COL12A1: variants seen among roughly 807,000 people sequenced by gnomAD.
The protein encoded by COL12A1 is collagen alpha-1(XII) chain.
A neutral mutation model predicts 349.7 loss-of-function variants in COL12A1; 114 were observed. That is an observed-to-expected ratio of 0.33 (90% CI 0.28 to 0.38). COL12A1 has a LOEUF of 0.38. Ranked by LOEUF, COL12A1 falls within the 10% of genes least tolerant of loss-of-function variation. The probability of loss-of-function intolerance (pLI) is 1.00; values close to 1 mark genes in which losing one functional copy is unlikely to be tolerated. For synonymous variants in COL12A1, 1,369 were observed against 1,329.0 expected, an observed-to-expected ratio of 1.03 and a Z score of -0.66; for missense variants, 3,284 against 3,756.9, an observed-to-expected ratio of 0.87 and a Z score of 3.29.
intron 14 of COL12A1, among the ~76,000 whole-genome samples, chr6:75,162,329 A>G (rs994403750): frequency 3.9e-5 from 6 of 152,358 alleles, no homozygotes; most frequent in Admixed American, 3.3e-4. Flanking sequence ...CCAATGGAAC[A>G]GAACAGAGGC....
At chr6:75,100,693 C>T (rs114238227) in intron 58 of COL12A1, among the ~76,000 whole-genome samples, 1,995 of 152,256 alleles carry the variant, frequency 0.013, 36 homozygotes, top group African/African-American at 0.045. Context: ...TCTTTGCTCC[C>T]TCTGAATGGC....
At position 75,113,269 on chromosome 6, in the gene COL12A1, C is replaced by T. The variant is rs147044263; in HGVS notation, c.7885G>A (p.Glu2629Lys). The T allele has an allele frequency of 9.6e-5, 150 of 1,561,830 alleles. No homozygotes were observed. The African/African-American group carries it at 1.6e-3, about 17-fold the overall frequency. ...LSFFNKDTRGEVQTVTFDTEE... is the reference protein window; with the variant it reads ...LSFFNKDTRGKVQTVTFDTEE... The stretch of plus-strand genomic sequence containing the variant: ...GTGTCAAATGTAACAGTTTGCACCT[C>T]GCCTCTTGTATCCTTGTTAAAGAAT... The change falls in exon 51 of 66, where the codon GAG becomes AAG. Residue 2629 changes from glutamate to lysine, a missense_variant. Around this residue, in one of 2 missense-constraint regions of COL12A1, gnomAD observed 683 missense variants for 932.1 expected, o/e 0.73. Coordinates refer to ENST00000322507, the MANE Select transcript of COL12A1 (RefSeq NM_004370.6).
At chr6:75,172,584 A>G (rs999952987) in intron 13 of COL12A1, among the ~76,000 whole-genome samples, 4 of 152,256 alleles carry the variant, frequency 2.6e-5, no homozygotes, top group African/African-American at 9.6e-5. Context: ...TGGAAAGCAT[A>G]TGGAGAAACA....
intron 13 of COL12A1, among the ~76,000 whole-genome samples, chr6:75,166,758 T>G (rs900863356): frequency 6.6e-6 from 1 of 152,132 alleles, no homozygotes; most frequent in African/African-American, 2.4e-5. Context: ...AAACTATTAT[T>G]TTACTTAACT....
chr6:75,125,252 G>T lies in COL12A1; in HGVS notation c.6482C>A (p.Ala2161Asp). The change falls in exon 40 of 66, where the codon GCC becomes GAC. Residue 2161 changes from alanine (A) to aspartate (D), a missense_variant. By Grantham distance (126) the Ala-to-Asp change is moderately radical (BLOSUM62 -2). Around this residue, in one of 2 missense-constraint regions of COL12A1, gnomAD observed 2,601 missense variants for 2,824.8 expected, o/e 0.92. Coordinates refer to ENST00000322507, the MANE Select transcript of COL12A1 (RefSeq NM_004370.6). ...KPVGSNEPME[A>D]FVGEMTSYTL... ...ATATGATGTCATTTCTCCAACAAAG[G>T]CTTCCATGGGCTCATTGGAACCTTT... The T allele has an allele frequency of 1.2e-6, 2 of 1,607,474 alleles. No homozygotes were observed. The highest frequency in any genetic ancestry group is 1.7e-6 in the Non-Finnish European group (2 of 1,176,830).
At position 75,145,392 on chromosome 6, in the gene COL12A1, C is replaced by T; in HGVS notation, c.4624G>A (p.Ala1542Thr). Residue 1542 changes from alanine to threonine, a missense_variant, in exon 25 of 66, where the codon GCA (alanine) becomes ACA (threonine). Physicochemically the swap from Ala to Thr is moderately conservative, Grantham distance 58. Transcript: ENST00000322507. ...LTDLVPNTEY[A>T]VTVQAVLHDL... ...TGCAGGACAGCCTGGACTGTGACTG[C>T]ATACTCCGTGTTGGGAACAAGGTCA... 1.2e-6 allele frequency: 2 copies of T among 1,613,992 alleles called. No homozygotes were observed. Among genetic ancestry groups the T allele is most frequent in the South Asian group, 1.1e-5 (1 of 91,058 alleles).
At position 75,154,455 on chromosome 6, in the gene COL12A1, T is replaced by C. The variant is rs1260067608; in HGVS notation, c.3526A>G (p.Thr1176Ala). The C allele has an allele frequency of 6.2e-7, 1 of 1,612,412 alleles. No homozygotes were observed. The highest frequency in any genetic ancestry group is 2.2e-5 in the East Asian group (1 of 44,802). Residue 1176 changes from threonine (T) to alanine (A), a missense_variant, in exon 17 of 66, where the codon ACC (threonine) becomes GCC (alanine). By Grantham distance (58) the Thr-to-Ala change is moderately conservative (BLOSUM62 0). Coordinates refer to ENST00000322507, the MANE Select transcript of COL12A1 (RefSeq NM_004370.6). Reference protein sequence around the residue: ...SSPLVGQEMTTLSDTTVMPIL... With the variant: ...SSPLVGQEMTALSDTTVMPIL... ...GGCATAACAGTTGTGTCGGAAAGGGTTGTCATTTCTTGTCCAACAAGTGGT... is the reference window on the plus strand; with the variant it reads ...GGCATAACAGTTGTGTCGGAAAGGGCTGTCATTTCTTGTCCAACAAGTGGT...
rs142803930 is a variant in COL12A1 at position 75,168,163 on chromosome 6, C to T, written c.2711-2384G>A. On this transcript the variant is annotated intron_variant, in intron 13 of 65. Coordinates refer to ENST00000322507, the MANE Select transcript of COL12A1 (RefSeq NM_004370.6). ...TAAACTGCTTCATATGGGTTTCTTA[C>T]ATGTCAATCAGTCAGTTTGATAAGA... Among the ~76,000 whole-genome samples, 124 of 152,272 alleles carry T rather than the reference C, an allele frequency of 8.1e-4. No homozygotes were observed. In the East Asian group the frequency reaches 0.018, roughly 22 times the overall value.
intron 59 of COL12A1, among the ~76,000 whole-genome samples, chr6:75,096,167 T>C (rs1768015712): frequency 6.6e-6 from 1 of 152,182 alleles, no homozygotes; most frequent in Non-Finnish European, 1.5e-5. Flanking sequence ...GGCCAATATG[T>C]CATGTTCTAA....
chr6:75,089,997 A>G, intron 63 of COL12A1, 113 bp downstream of exon 63: 2 of 1,147,658 alleles, frequency 1.7e-6, no homozygotes, highest in Middle Eastern at 3.0e-4. Flanking sequence ...TGTCCAAACA[A>G]GACCAGGGAA....
chr6:75,176,136 G>GT (rs1217270567), intron 12 of COL12A1, among the ~76,000 whole-genome samples: 1 of 152,218 alleles, frequency 6.6e-6, no homozygotes, highest in Non-Finnish European at 1.5e-5. Context: ...AAGGAAGCAG[G>GT]TAAAAAGAGA....
intron 32 of COL12A1, among the ~76,000 whole-genome samples, chr6:75,134,413 T>C (rs1424128214): frequency 6.6e-6 from 1 of 151,638 alleles, no homozygotes; most frequent in African/African-American, 2.4e-5. Flanking sequence ...GTACCAAAAA[T>C]ATAAAAAATT....
chr6:75,088,555 T>G (rs2149324341), intron 64 of COL12A1, among the ~76,000 whole-genome samples: 1 of 152,198 alleles, frequency 6.6e-6, no homozygotes, highest in South Asian at 2.1e-4. Flanking sequence ...TTTGTGTCAC[T>G]AAAATTCATT....
chr6:75,133,247 A>C, intron 34 of COL12A1, 46 bp downstream of exon 34: 1 of 1,505,152 alleles, frequency 6.6e-7, no homozygotes. Context: ...TATAATGAAA[A>C]GCAACACTTA....
chr6:75,183,721 TC>T, intron 9 of COL12A1, 69 bp from the exon 10 acceptor site: 1 of 1,522,488 alleles, frequency 6.6e-7, no homozygotes, highest in Non-Finnish European at 8.8e-7. Context: ...TATCTAGCTT[TC>T]TTAGTAAGCG....
At chr6:75,146,500 A>T (rs1767201505) in intron 23 of COL12A1, among the ~76,000 whole-genome samples, 2 of 152,188 alleles carry the variant, frequency 1.3e-5, no homozygotes, top group South Asian at 4.1e-4. Context: ...GTCAAATGGC[A>T]TTCCAGTGAG....
intron 57 of COL12A1, 155 bp downstream of exon 57, chr6:75,101,844 C>T: frequency 2.0e-6 from 2 of 992,460 alleles, no homozygotes; most frequent in Non-Finnish European, 3.1e-6. Context: ...TGAATAGCAC[C>T]AACTTGAAGG....
intron 21 of COL12A1, among the ~76,000 whole-genome samples, chr6:75,150,614 T>C (rs1405960289): frequency 6.6e-6 from 1 of 152,136 alleles, no homozygotes; most frequent in Non-Finnish European, 1.5e-5. Flanking sequence ...CTGCTCACAC[T>C]AGGAAATTTA....
chr6:75,136,359 C>T (rs1766608626), intron 31 of COL12A1, among the ~76,000 whole-genome samples: 1 of 152,154 alleles, frequency 6.6e-6, no homozygotes, highest in African/African-American at 2.4e-5. Context: ...AAATGCATCA[C>T]ACTACCTAAG....
Sources: gnomAD v4.1 joint callset for allele counts (sites outside exome capture counted in the v4.1 genomes callset) on GRCh38, gnomAD v4.1.1 for gene constraint, gnomAD v4.1.1 regional missense constraint, MANE v1.5 for transcripts, NCBI Gene and HGNC (gene_info 2026-07-23, HGNC 2026-07-21) for gene names.